The following PCF11 variants were observed in gnomAD, a reference collection of about 807,000 sequenced individuals.
PCF11 encodes pre-mRNA cleavage complex 2 protein Pcf11.
PCF11 carries 19 observed loss-of-function variants against 166.1 expected under a neutral mutation model. The ratio of observed to expected loss-of-function variants is 0.11; its 90% CI spans 0.08 to 0.17. The LOEUF is 0.17. Among genes scored for constraint, PCF11 ranks in the 10% least tolerant of loss-of-function variants. PCF11 has a pLI of 1.00. For synonymous variants in PCF11, 663 were observed against 644.1 expected, an observed-to-expected ratio of 1.03 and a Z score of -0.44; for missense variants, 1,565 against 1,855.5, an observed-to-expected ratio of 0.84 and a Z score of 2.88.
At chr11:83,161,902 G>A (rs1332160825) in intron 2 of PCF11, among the ~76,000 whole-genome samples, 1 of 151,972 alleles carries the variant, frequency 6.6e-6, no homozygotes, top group Non-Finnish European at 1.5e-5. Flanking sequence ...GTGTTTTTTT[G>A]TTTTGTTTTC....
At chr11:83,169,818 A>G in exon 8 of PCF11, 1 of 1,613,580 alleles carries the variant, frequency 6.2e-7, no homozygotes, top group Non-Finnish European at 8.5e-7. Flanking sequence ...TATTTGATTC[A>G]CCTCAAGGAC....
intron 8 of PCF11, among the ~76,000 whole-genome samples, chr11:83,170,871 C>G (rs1436513441): frequency 6.6e-6 from 1 of 152,166 alleles, no homozygotes; most frequent in Non-Finnish European, 1.5e-5. Context: ...AGAAAGTAGT[C>G]CTTCTGTTCA....
intron 7 of PCF11, 100 bp from the exon 8 acceptor site, chr11:83,168,328 C>T: frequency 1.7e-6 from 2 of 1,152,048 alleles, no homozygotes; most frequent in Non-Finnish European, 2.4e-6. Flanking sequence ...TCCTGCCCCT[C>T]TAATGTAGTG....
chr11:83,170,303 T>C (rs1333498030), intron 8 of PCF11, among the ~76,000 whole-genome samples: 1 of 152,190 alleles, frequency 6.6e-6, no homozygotes, highest in Non-Finnish European at 1.5e-5. Context: ...TACAATTGTG[T>C]GTCATAGACC....
intron 13 of PCF11, 112 bp downstream of exon 13, chr11:83,182,121 ACTT>A: frequency 1.1e-6 from 1 of 918,414 alleles, no homozygotes; most frequent in Non-Finnish European, 1.6e-6. Flanking sequence ...TGATTTTAAG[ACTT>A]CTTGAAAGCT....
chr11:83,166,398 C>T lies in PCF11; in HGVS notation c.1501C>T (p.Arg501Trp), dbSNP rs774609004. ...ACATTCCCCAAAGAGAAGAGATAGG[C>T]GGTCACCCAAACGAAGGCAAAGAAG... is the stretch of plus-strand genomic sequence containing the variant. The change falls in exon 5 of 16, where the codon CGG becomes TGG. Residue 501 changes from arginine (R) to tryptophan (W), a missense_variant. By Grantham distance (101) the Arg-to-Trp change is moderately radical. Around this residue, in one of 12 missense-constraint regions of PCF11, gnomAD observed 468 missense variants for 483.4 expected, o/e 0.97. Transcript: ENST00000298281. 1.1e-5 allele frequency: 17 copies of T among 1,613,716 alleles called. No homozygotes were observed. In the South Asian group the frequency reaches 1.3e-4, roughly 13 times the overall value.
At chr11:83,163,170 T>C (rs1004695960) in intron 2 of PCF11, among the ~76,000 whole-genome samples, 5 of 152,348 alleles carry the variant, frequency 3.3e-5, no homozygotes, top group African/African-American at 1.2e-4. Flanking sequence ...TGAATTTCAG[T>C]TGTTAAAGTG....
In PCF11 at chr11:83,167,088, A is replaced by G. The variant is rs201604522; in HGVS notation, c.1818-37A>G. The G allele has an allele frequency of 6.6e-6, 10 of 1,517,096 alleles. No homozygotes were observed. In the Admixed American group the frequency reaches 7.8e-5, roughly 12 times the overall value. 94.0% of individuals were successfully genotyped at this position (1,517,096 alleles called of 1,614,324 possible). ...TATGGTCCTGAGTATTTTTTAAAAA[A>G]ACATTTCAATGTAACATACTGCTTT... On this transcript the variant is annotated intron_variant, in intron 5 of 15. Coordinates refer to ENST00000298281, the Ensembl canonical transcript of PCF11. The surrounding 1 kb of genome is among the most constrained non-coding windows in gnomAD (Gnocchi z 4.2).
At chr11:83,180,838 G>A (rs923688744) in intron 11 of PCF11, 170 bp from the exon 12 acceptor site, 1 of 423,618 alleles carries the variant, frequency 2.4e-6, no homozygotes, top group Non-Finnish European at 4.2e-6. Flanking sequence ...AAGGTAAAGA[G>A]GGTCAATCAC....
chr11:83,161,680 C>G (rs1860259874), intron 2 of PCF11, among the ~76,000 whole-genome samples: 1 of 152,044 alleles, frequency 6.6e-6, no homozygotes, highest in Admixed American at 6.6e-5. Context: ...GATGGATTTG[C>G]TTTTAGAATT....
chr11:83,172,493 C>T (rs1860722507), intron 9 of PCF11, among the ~76,000 whole-genome samples: 1 of 152,066 alleles, frequency 6.6e-6, no homozygotes, highest in African/African-American at 2.4e-5. Context: ...TGTCATATTG[C>T]CTCACTGCAG....
At chr11:83,161,186 C>T in intron 1 of PCF11, 141 bp from the exon 2 acceptor site, 1 of 634,330 alleles carries the variant, frequency 1.6e-6, no homozygotes, top group Middle Eastern at 4.4e-4. Context: ...TGATTGAACA[C>T]TTAAGTTTCA....
At chr11:83,168,313 G>A in intron 7 of PCF11, 115 bp from the exon 8 acceptor site, 1 of 996,442 alleles carries the variant, frequency 1.0e-6, no homozygotes, top group Non-Finnish European at 1.4e-6. Context: ...TACGCTGTCG[G>A]TCTCTCCTGC....
At chr11:83,186,353 A>G (rs2135454992) in exon 16 of PCF11, 1 of 152,358 alleles carries the variant, frequency 6.6e-6, no homozygotes, top group African/African-American at 2.4e-5. Flanking sequence ...GTTTTCAAAA[A>G]TTGACTTCTT....
intron 13 of PCF11, 72 bp downstream of exon 13, chr11:83,182,081 C>G: frequency 8.6e-7 from 1 of 1,161,054 alleles, no homozygotes; most frequent in East Asian, 2.5e-5. Context: ...TACTCATAAA[C>G]ACATCACTAT....
At chr11:83,180,031 G>GATGTTTATTTTGTTGCTGTAACAA (rs1861032509) in intron 11 of PCF11, 1 of 151,588 alleles carries the variant, frequency 6.6e-6, no homozygotes, top group African/African-American at 2.4e-5. Context: ...ATTGTGACTA[G>GATGTTTATTTTGTTGCTGTAACAA]ATGTTTATTT....
chr11:83,169,609 C>G (rs1860607779), exon 8 of PCF11: 3 of 1,613,808 alleles, frequency 1.9e-6, no homozygotes, highest in South Asian at 1.1e-5. Context: ...CGGTGTACCT[C>G]AAAGATTTGA....
chr11:83,165,778 A>G, exon 5 of PCF11: 1 of 1,613,120 alleles, frequency 6.2e-7, no homozygotes, highest in Non-Finnish European at 8.5e-7. Flanking sequence ...AAAGGAACTA[A>G]CCGGGATCCT....
intron 2 of PCF11, 141 bp downstream of exon 2, chr11:83,161,593 G>A: frequency 1.7e-6 from 1 of 572,330 alleles, no homozygotes; most frequent in South Asian, 2.8e-5. Flanking sequence ...CCATTTCAAA[G>A]AAAGAGGCTG....
Sources: allele counts gnomAD v4.1 joint callset (sites outside exome capture counted in the v4.1 genomes callset), GRCh38; gene constraint gnomAD v4.1.1; regional missense constraint gnomAD v4.1.1; non-coding constraint Gnocchi (gnomAD v3.1); transcripts MANE v1.5; gene names NCBI Gene and HGNC (gene_info 2026-07-23, HGNC 2026-07-21).